The following FAM53A variants were observed in gnomAD, a reference collection of about 807,000 sequenced individuals.
The protein encoded by FAM53A is protein FAM53A.
FAM53A carries 28 observed loss-of-function variants against 26.6 expected under a neutral mutation model. The ratio of observed to expected loss-of-function variants is 1.05; its 90% confidence interval spans 0.78 to 1.45. FAM53A has a LOEUF of 1.45. Ranked by LOEUF, FAM53A falls within the 40% of genes most tolerant of loss-of-function variation. The probability of loss-of-function intolerance (pLI) is 0.00; values close to 1 mark genes in which losing one functional copy is unlikely to be tolerated. For synonymous variants in FAM53A, 290 were observed against 253.1 expected (o/e 1.15, Z -1.38); for missense variants, 650 against 575.8 (o/e 1.13, Z -1.32).
At chr4:1,597,495 C>T in the FAM53A span, among the ~76,000 whole-genome samples, 431 of 152,322 alleles carry the variant, frequency 2.8e-3, 6 homozygotes, top group East Asian at 0.028. Context: ...TGGAGAGCCA[C>T]ACACCCCACA....
At chr4:1,607,175 C>T in the FAM53A span, among the ~76,000 whole-genome samples, 1 of 152,192 alleles carries the variant, frequency 6.6e-6, no homozygotes, top group Admixed American at 6.5e-5. Flanking sequence ...TGCGCCACCA[C>T]ACCCGGCTGA....
Position 1,633,037 on chromosome 4 carries a change from C to T in FAM53A, c.432-14926G>A, listed in dbSNP as rs570960765. ...GCATAGGTACACGCTCATGCTCACA[C>T]GCATAGGTACATGCTCATGCGCACA... On this transcript the variant is annotated intron_variant, in intron 1 of 1. Transcript: ENST00000489029. Among the ~76,000 whole-genome samples, 36 of 150,128 alleles carry T rather than the reference C, an allele frequency of 2.4e-4. No individual in the cohort carries two copies. In the South Asian group the frequency reaches 4.6e-3, roughly 19 times the overall value.
intron 1 of FAM53A, among the ~76,000 whole-genome samples, chr4:1,633,230 G>A (rs561761287): frequency 5.9e-5 from 9 of 152,338 alleles, no homozygotes; most frequent in South Asian, 4.1e-4. Context: ...AACACTCACA[G>A]GCTTCATTAT....
chr4:1,618,521 G>A (rs1714892996), intron 1 of FAM53A, among the ~76,000 whole-genome samples: 1 of 152,232 alleles, frequency 6.6e-6, no homozygotes, highest in Non-Finnish European at 1.5e-5. Flanking sequence ...TCCTGGCCCT[G>A]CTGTGCCCAC....
At chr4:1,680,243 C>A (rs1176149659) in intron 1 of FAM53A, among the ~76,000 whole-genome samples, 38 of 136,726 alleles carry the variant, frequency 2.8e-4, no homozygotes, top group African/African-American at 9.8e-4. Flanking sequence ...CATTTGAAAC[C>A]AGGAGGCGGA....
chr4:1,576,204 G>C, the FAM53A span, among the ~76,000 whole-genome samples: 2 of 152,188 alleles, frequency 1.3e-5, no homozygotes, highest in African/African-American at 2.4e-5. Flanking sequence ...ATTTAATCTC[G>C]CGCCTATCTA....
chr4:1,673,758 C>T (rs1171293276), intron 1 of FAM53A, among the ~76,000 whole-genome samples: 1 of 152,198 alleles, frequency 6.6e-6, no homozygotes, highest in Non-Finnish European at 1.5e-5. Flanking sequence ...AAAGTGTGCC[C>T]GCCAAGCACC....
At chr4:1,665,101 G>A (rs1247725935) in intron 2 of FAM53A, among the ~76,000 whole-genome samples, 3 of 152,002 alleles carry the variant, frequency 2.0e-5, no homozygotes, top group African/African-American at 4.8e-5. Context: ...GATCACTTGA[G>A]GTCAGGAGTT....
At chr4:1,672,629 C>T (rs1469383931) in intron 1 of FAM53A, among the ~76,000 whole-genome samples, 1 of 148,758 alleles carries the variant, frequency 6.7e-6, no homozygotes, top group Non-Finnish European at 1.5e-5. Context: ...CCAAAAGATG[C>T]TCGGCAGCCA....
the FAM53A span, among the ~76,000 whole-genome samples, chr4:1,579,181 C>A: frequency 6.7e-6 from 1 of 149,368 alleles, no homozygotes; most frequent in Non-Finnish European, 1.5e-5. Context: ...CCTGCCCCCC[C>A]TGCCCTCCCT....
At chr4:1,662,968 G>T (rs1035301584) in intron 2 of FAM53A, among the ~76,000 whole-genome samples, 1 of 152,200 alleles carries the variant, frequency 6.6e-6, no homozygotes, top group African/African-American at 2.4e-5. Flanking sequence ...GCCGAGGCAG[G>T]CGGATCACGA....
intron 4 of FAM53A, among the ~76,000 whole-genome samples, chr4:1,650,089 C>A (rs577317129): frequency 3.0e-5 from 4 of 131,670 alleles, no homozygotes; most frequent in African/African-American, 1.2e-4. Context: ...TGTGAGGTGG[C>A]ACAGGCGTGG....
At chr4:1,620,440 T>C (rs929768506) in intron 1 of FAM53A, among the ~76,000 whole-genome samples, 1 of 151,900 alleles carries the variant, frequency 6.6e-6, no homozygotes, top group African/African-American at 2.4e-5. Context: ...CTTTGGTTCC[T>C]GCCACAGTCA....
At chr4:1,670,243 G>A (rs796728333) in intron 1 of FAM53A, among the ~76,000 whole-genome samples, 3 of 152,382 alleles carry the variant, frequency 2.0e-5, no homozygotes, top group African/African-American at 7.2e-5. Flanking sequence ...CGATACCTGC[G>A]TTCCACGCTT....
intron 4 of FAM53A, among the ~76,000 whole-genome samples, chr4:1,647,706 G>C (rs1712369145): frequency 6.6e-6 from 1 of 152,264 alleles, no homozygotes; most frequent in Non-Finnish European, 1.5e-5. Context: ...TGAGCATGCA[G>C]CGGTGCACAT....
downstream of FAM53A, among the ~76,000 whole-genome samples, chr4:1,616,170 C>T (rs139922205): frequency 5.9e-5 from 9 of 152,262 alleles, no homozygotes; most frequent in Non-Finnish European, 1.0e-4. Flanking sequence ...GACTGCGGAG[C>T]GACATGAGAT....
intron 1 of FAM53A, among the ~76,000 whole-genome samples, chr4:1,673,419 G>A (rs1714822206): frequency 6.6e-6 from 1 of 152,296 alleles, no homozygotes; most frequent in East Asian, 1.9e-4. Context: ...AGAGTCACAC[G>A]CTCATAACTC....
At chr4:1,618,049 G>A (rs993674360) in exon 2 of FAM53A, 6 of 456,264 alleles carry the variant, frequency 1.3e-5, no homozygotes, top group African/African-American at 1.2e-4. Flanking sequence ...CCGTGAAGAT[G>A]GGAAGATGGA....
At chr4:1,652,753 CCA>C (rs527742975) in intron 4 of FAM53A, among the ~76,000 whole-genome samples, 80 of 147,618 alleles carry the variant, frequency 5.4e-4, no homozygotes, top group East Asian at 3.1e-3. Flanking sequence ...CACACACACA[CCA>C]CACACAGACT....
Sources: allele counts gnomAD v4.1 joint callset (sites outside exome capture counted in the v4.1 genomes callset), GRCh38; gene constraint gnomAD v4.1.1; transcripts MANE v1.5; gene names NCBI Gene and HGNC (gene_info 2026-07-23, HGNC 2026-07-21).